The following RAB9A variants were observed in gnomAD, a reference collection of about 807,000 sequenced individuals.
The protein encoded by RAB9A is ras-related protein Rab-9A.
In RAB9A, 1 loss-of-function variant was observed where a neutral mutation model predicts 10.3. The ratio of observed to expected loss-of-function variants is 0.10; its 90% CI spans 0.03 to 0.46. The LOEUF (loss-of-function observed/expected upper bound fraction) is 0.46, where lower values mean the gene tolerates loss of function less well. Among genes scored for constraint, RAB9A ranks in the 20% least tolerant of loss-of-function variants. The pLI is 0.96. For missense variants in RAB9A, 92 were observed against 150.3 expected, an observed-to-expected ratio of 0.61 and a Z score of 2.03; for synonymous variants, 39 against 55.2, an observed-to-expected ratio of 0.71 and a Z score of 1.30.
At chrX:13,700,134 A>C (rs952665971) in intron 1 of RAB9A, among the ~76,000 whole-genome samples, 3 of 111,566 alleles carry the variant, frequency 2.7e-5, no homozygotes, top group African/African-American at 9.8e-5. Flanking sequence ...TTTTTTGTAG[A>C]GATGGGGTTT....
At chrX:13,691,450 A>G (rs934811902) in intron 1 of RAB9A, among the ~76,000 whole-genome samples, 1 of 110,776 alleles carries the variant, frequency 9.0e-6, no homozygotes, top group African/African-American at 3.3e-5. Flanking sequence ...TCACGAGGTC[A>G]GGAGTTTGAA....
intron 1 of RAB9A, among the ~76,000 whole-genome samples, chrX:13,695,873 A>G (rs1348467787): frequency 9.0e-6 from 1 of 111,378 alleles, no homozygotes; most frequent in Non-Finnish European, 1.9e-5. Flanking sequence ...GGAGCTGTCT[A>G]TGTTGAAGAA....
At chrX:13,692,778 G>A (rs967439468) in intron 1 of RAB9A, among the ~76,000 whole-genome samples, 1 of 111,822 alleles carries the variant, frequency 8.9e-6, no homozygotes, top group Non-Finnish European at 1.9e-5. Context: ...TGTTATTCAC[G>A]CAATCAACAT....
intron 1 of RAB9A, among the ~76,000 whole-genome samples, chrX:13,696,054 A>G (rs905746791): frequency 2.5e-4 from 28 of 110,652 alleles, no homozygotes; most frequent in South Asian, 3.8e-4. Flanking sequence ...GCCTCTAGCT[A>G]GATGTGTGAT....
At chrX:13,689,730 C>T (rs2046111559) in intron 1 of RAB9A, among the ~76,000 whole-genome samples, 1 of 111,589 alleles carries the variant, frequency 9.0e-6, no homozygotes, top group African/African-American at 3.3e-5. Flanking sequence ...ATTTTGGCGA[C>T]CTCTGAAGTT....
At chrX:13,699,604 T>C (rs2046163952) in intron 1 of RAB9A, among the ~76,000 whole-genome samples, 1 of 111,918 alleles carries the variant, frequency 8.9e-6, no homozygotes, top group African/African-American at 3.3e-5. Flanking sequence ...AAAGATTAGG[T>C]TGCTGGGGCG....
chrX:13,704,973 G>A (rs1344685847), intron 2 of RAB9A, among the ~76,000 whole-genome samples: 1 of 111,825 alleles, frequency 8.9e-6, no homozygotes, highest in African/African-American at 3.3e-5. Context: ...TTTAACCTTG[G>A]TGAAAATTGC....
At position 13,694,427 on chromosome X, in the gene RAB9A, A is replaced by T. The variant is rs1463194913; in HGVS notation, c.-116+5139A>T. 2.7e-5 allele frequency among the ~76,000 whole-genome samples: 3 copies of T among 112,554 alleles called. No individual in the cohort carries two copies. The Admixed American group carries it at 2.8e-4, about 11-fold the overall frequency. On this transcript the variant is annotated intron_variant, in intron 1 of 2. Transcript: ENST00000464506. The stretch of plus-strand genomic sequence containing the variant: ...GTGCTAGTATTCTTAAATAACATTT[A>T]AAAATAGTTGTTTGGGAGCAAACAG...
chrX:13,690,690 AT>A (rs910029662), intron 1 of RAB9A, among the ~76,000 whole-genome samples: 16 of 110,017 alleles, frequency 1.5e-4, no homozygotes, highest in African/African-American at 5.3e-4. Context: ...TCTCGAAATT[AT>A]TTTTTTTTAG....
At chrX:13,708,196 C>A (rs2046205897) in intron 2 of RAB9A, among the ~76,000 whole-genome samples, 1 of 110,051 alleles carries the variant, frequency 9.1e-6, no homozygotes, top group Non-Finnish European at 1.9e-5. Context: ...TGGTGGTGTG[C>A]ACCTGTGATT....
intron 2 of RAB9A, among the ~76,000 whole-genome samples, chrX:13,708,316 G>A (rs1465808403): frequency 5.7e-5 from 3 of 52,879 alleles, no homozygotes; most frequent in Admixed American, 2.8e-4. Flanking sequence ...GCGAGATCCT[G>A]TCTCAAAAAA....
chrX:13,690,583 CT>C (rs1209339807), intron 1 of RAB9A, among the ~76,000 whole-genome samples: 1 of 111,758 alleles, frequency 8.9e-6, no homozygotes, highest in Admixed American at 9.5e-5. Flanking sequence ...GCTATCACTT[CT>C]TTTCCAACCT....
At chrX:13,703,505 CT>C (rs2046183678) in intron 1 of RAB9A, among the ~76,000 whole-genome samples, 1 of 112,168 alleles carries the variant, frequency 8.9e-6, no homozygotes, top group Non-Finnish European at 1.9e-5. Flanking sequence ...TTAAGGACTG[CT>C]GTATGTAAGT....
chrX:13,692,538 T>G (rs746624371), intron 1 of RAB9A, among the ~76,000 whole-genome samples: 1 of 111,666 alleles, frequency 9.0e-6, no homozygotes, highest in African/African-American at 3.3e-5. Flanking sequence ...CAAATAGTTA[T>G]GCCTGCATTT....
intron 1 of RAB9A, among the ~76,000 whole-genome samples, chrX:13,693,265 G>T (rs1026329913): frequency 4.4e-5 from 5 of 112,513 alleles, no homozygotes; most frequent in Non-Finnish European, 9.4e-5. Context: ...ATAGATAATA[G>T]ACTCTTCAGT....
rs1398547525 is a variant in RAB9A at position 13,709,535 on chromosome X, A to G, written c.*183A>G. ...ACTCTTGGAGGAATATATTTACTCA[A>G]TAATGGCACCTTACATTTATAAATT... On this transcript the variant is annotated 3_prime_UTR_variant, in exon 3 of 3. Coordinates refer to ENST00000464506, the MANE Select transcript of RAB9A (RefSeq NM_004251.5). 2.1e-5 allele frequency: 8 copies of G among 377,633 alleles called. No homozygotes were observed. Among genetic ancestry groups the G allele is most frequent in the South Asian group, 1.8e-4 (2 of 10,912 alleles). 31.1% of individuals were successfully genotyped at this position (377,633 alleles called of 1,213,427 possible).
chrX:13,709,108 T>C lies in RAB9A; in HGVS notation c.362T>C (p.Ile121Thr), dbSNP rs750681547. Residue 121 changes from isoleucine to threonine, a missense_variant, in exon 3 of 3, where the codon ATT becomes ACT. By Grantham distance (89) the Ile-to-Thr change is moderately conservative. Coordinates refer to ENST00000464506, the MANE Select transcript of RAB9A (RefSeq NM_004251.5). ...VKEPESFPFV[I>T]LGNKIDISER... is the part of the protein sequence containing the mutation. ...GAGCCTGAGAGCTTTCCTTTTGTGA[T>C]TCTGGGTAACAAGATTGACATAAGC... 20 of 1,209,958 alleles carry C rather than the reference T, an allele frequency of 1.7e-5. No homozygotes were observed. The highest frequency in any genetic ancestry group is 2.1e-5 in the Non-Finnish European group (19 of 895,248).
rs1253790699 is a variant in RAB9A, at chrX:13,701,205, C to A, written c.-115-2609C>A. On this transcript the variant is annotated intron_variant, in intron 1 of 2. Transcript: ENST00000464506. ...AAAAACCCCATACCCATTAGCAGTC[C>A]CTCCTCCTTTACCTGCCACTGCCCC... 2.8e-5 allele frequency among the ~76,000 whole-genome samples: 3 copies of A among 109,016 alleles called. No individual in the cohort carries two copies. The East Asian group carries it at 8.7e-4, about 31-fold the overall frequency. 94.7% of individuals were successfully genotyped at this position (109,016 alleles called of 115,157 possible).
At position 13,706,066 on chromosome X, in the gene RAB9A, G is replaced by T. The variant is rs1335863957; in HGVS notation, c.-27+2164G>T. ...GATCTCTGGGAAACAACCCGCTGAA[G>T]AATTCTGAGGAGACATTAGATAGAT... is the stretch of plus-strand genomic sequence containing the variant. On this transcript the variant is annotated intron_variant, in intron 2 of 2. Coordinates refer to ENST00000464506, the MANE Select transcript of RAB9A (RefSeq NM_004251.5). 2.7e-5 allele frequency among the ~76,000 whole-genome samples: 3 copies of T among 111,911 alleles called. No individual in the cohort carries two copies. The East Asian group carries it at 8.3e-4, about 31-fold the overall frequency.
Sources: allele counts gnomAD v4.1 joint callset (sites outside exome capture counted in the v4.1 genomes callset), GRCh38; gene constraint gnomAD v4.1.1; transcripts MANE v1.5; gene names NCBI Gene and HGNC (gene_info 2026-07-23, HGNC 2026-07-21).